The following TANGO6 variants were observed in gnomAD, a reference collection of about 807,000 sequenced individuals.
TANGO6 encodes the protein transport and golgi organization 6 homolog, also known as transport and Golgi organization protein 6 homolog.
Under a neutral mutation model 114.2 loss-of-function variants are expected in TANGO6, and 90 were observed. The ratio of observed to expected loss-of-function variants is 0.79; its 90% confidence interval spans 0.66 to 0.94. The LOEUF (loss-of-function observed/expected upper bound fraction) is 0.94. Ranked by LOEUF, TANGO6 falls within the 40% of genes least tolerant of loss-of-function variation. The probability of loss-of-function intolerance (pLI) is 0.00; values close to 1 mark genes in which losing one functional copy is unlikely to be tolerated. For missense variants in TANGO6, 1,274 were observed against 1,315.3 expected, an observed-to-expected ratio of 0.97 and a Z score of 0.49; for synonymous variants, 477 against 509.8, an observed-to-expected ratio of 0.94 and a Z score of 0.87.
chr16:69,021,020 AC>A (rs1567560097), intron 15 of TANGO6, among the ~76,000 whole-genome samples: 1 of 150,780 alleles, frequency 6.6e-6, no homozygotes, highest in African/African-American at 2.4e-5. Flanking sequence ...GTAGGTTTCT[AC>A]CTTGGACCCT....
chr16:69,049,835 C>G (rs1297736743), intron 17 of TANGO6, among the ~76,000 whole-genome samples: 1 of 152,026 alleles, frequency 6.6e-6, no homozygotes, highest in Admixed American at 6.6e-5. Flanking sequence ...CTCTGCCTCC[C>G]CTCCCAAAGT....
chr16:68,941,961 GA>G (rs965086651), intron 14 of TANGO6, among the ~76,000 whole-genome samples: 151 of 151,210 alleles, frequency 1.0e-3, no homozygotes, highest in African/African-American at 3.1e-3. Flanking sequence ...CTCTTAGGGG[GA>G]AAAAAAACAG....
intron 17 of TANGO6, among the ~76,000 whole-genome samples, chr16:69,083,071 C>A (rs2152246317): frequency 6.6e-6 from 1 of 151,410 alleles, no homozygotes; most frequent in East Asian, 1.9e-4. Flanking sequence ...CCTTCTCCAA[C>A]CCAAGATGGC....
intron 1 of TANGO6, among the ~76,000 whole-genome samples, chr16:68,847,398 A>T (rs1055570729): frequency 6.6e-6 from 1 of 152,138 alleles, no homozygotes; most frequent in Non-Finnish European, 1.5e-5. Flanking sequence ...ACTTTATGGA[A>T]ATGCCTCCAA....
chr16:68,923,580 CA>C (rs941903704), intron 12 of TANGO6, among the ~76,000 whole-genome samples: 2 of 152,106 alleles, frequency 1.3e-5, no homozygotes. Flanking sequence ...GGAAAATTCC[CA>C]TTATTTCAAG....
intron 7 of TANGO6, among the ~76,000 whole-genome samples, chr16:68,882,789 C>T (rs552281052): frequency 7.9e-5 from 12 of 151,806 alleles, no homozygotes; most frequent in South Asian, 4.2e-4. Flanking sequence ...GAGGCCAAGG[C>T]GGGCGGATCA....
chr16:69,067,594 C>T (rs937003519), intron 17 of TANGO6, among the ~76,000 whole-genome samples: 2 of 148,832 alleles, frequency 1.3e-5, no homozygotes, highest in African/African-American at 2.5e-5. Flanking sequence ...CCAAGGCGGG[C>T]GGATCATGAG....
At position 68,875,516 on chromosome 16, in the gene TANGO6, C is replaced by G. The variant is rs1962340196; in HGVS notation, c.1131+226C>G. ...GCGCAGTGGCTCACGCTTGTAATCTCAGCACTTTGGGAGGCCGAGGCAGGC... is the reference window on the plus strand; with the variant it reads ...GCGCAGTGGCTCACGCTTGTAATCTGAGCACTTTGGGAGGCCGAGGCAGGC... On this transcript the variant is annotated intron_variant, in intron 5 of 17. Transcript: ENST00000261778. 2.0e-5 allele frequency among the ~76,000 whole-genome samples: 3 copies of G among 152,260 alleles called. No homozygotes were observed. The South Asian group carries it at 6.2e-4, about 32-fold the overall frequency.
chr16:68,995,027 G>T (rs946616733), intron 15 of TANGO6, among the ~76,000 whole-genome samples: 8 of 152,102 alleles, frequency 5.3e-5, no homozygotes, highest in Admixed American at 2.6e-4. Context: ...AAACATTCTT[G>T]GTAGGTTACT....
intron 15 of TANGO6, among the ~76,000 whole-genome samples, chr16:68,986,375 TTACTC>T (rs1386821043): frequency 2.6e-5 from 4 of 152,092 alleles, no homozygotes; most frequent in African/African-American, 7.2e-5. Flanking sequence ...GCTCCTCAGA[TTACTC>T]TATATTCTAG....
chr16:68,881,233 G>A (rs1597002765), intron 7 of TANGO6, among the ~76,000 whole-genome samples: 1 of 152,242 alleles, frequency 6.6e-6, no homozygotes, highest in East Asian at 1.9e-4. Flanking sequence ...TTGACATGGA[G>A]CCGGGCATGG....
intron 9 of TANGO6, among the ~76,000 whole-genome samples, chr16:68,907,099 ATTTTTTTT>A (rs546359676): frequency 8.7e-6 from 1 of 114,608 alleles, no homozygotes; most frequent in East Asian, 2.6e-4. Flanking sequence ...CCAGACCTTG[ATTTTTTTT>A]TTTTTTTTTT....
chr16:69,067,013 C>T (rs1391895350), intron 17 of TANGO6, among the ~76,000 whole-genome samples: 6 of 152,284 alleles, frequency 3.9e-5, no homozygotes, highest in Admixed American at 2.0e-4. Context: ...CTTCCCTCCT[C>T]AGCTTCCCAA....
chr16:68,954,723 A>G (rs1963508529), intron 14 of TANGO6, among the ~76,000 whole-genome samples: 1 of 152,068 alleles, frequency 6.6e-6, no homozygotes, highest in Non-Finnish European at 1.5e-5. Context: ...TGGTTGTCCA[A>G]CACACAGCCC....
chr16:68,856,173 A>C (rs1961988226), intron 1 of TANGO6, among the ~76,000 whole-genome samples: 1 of 152,220 alleles, frequency 6.6e-6, no homozygotes. Context: ...TGTTGAATAG[A>C]AGTGAGAATA....
At chr16:69,035,715 G>A (rs1422269741) in intron 16 of TANGO6, 1 of 152,190 alleles carries the variant, frequency 6.6e-6, no homozygotes, top group Admixed American at 6.6e-5. Flanking sequence ...CCAGTGAAGA[G>A]AAAGCTTTCC....
chr16:68,901,587 C>G (rs755211719), intron 8 of TANGO6, among the ~76,000 whole-genome samples: 3 of 152,172 alleles, frequency 2.0e-5, no homozygotes, highest in Non-Finnish European at 4.4e-5. Flanking sequence ...CTCCTGAGTT[C>G]AGGCGATTCT....
chr16:69,012,581 A>AAAAAAAAG (rs1567558457), intron 15 of TANGO6, among the ~76,000 whole-genome samples: 1 of 111,994 alleles, frequency 8.9e-6, no homozygotes, highest in Non-Finnish European at 1.9e-5. Flanking sequence ...AAAAAAAAGG[A>AAAAAAAAG]AAAAAAAAAA....
chr16:69,047,625 C>A (rs1036206607), intron 17 of TANGO6, among the ~76,000 whole-genome samples: 1 of 151,882 alleles, frequency 6.6e-6, no homozygotes, highest in East Asian at 1.9e-4. Flanking sequence ...CCACAAATAA[C>A]GAGAATTGAA....
Sources: allele counts gnomAD v4.1 joint callset (sites outside exome capture counted in the v4.1 genomes callset), GRCh38; gene constraint gnomAD v4.1.1; transcripts MANE v1.5; gene names NCBI Gene and HGNC (gene_info 2026-07-23, HGNC 2026-07-21).